BBS9: variants seen among roughly 807,000 people sequenced by gnomAD.
BBS9 encodes the protein protein PTHB1.
BBS9 carries 89 observed loss-of-function variants against 117.7 expected under a neutral mutation model. The observed-to-expected ratio is 0.76, with a 90% CI of 0.64 to 0.90. The LOEUF (loss-of-function observed/expected upper bound fraction) is 0.90. Ranked by LOEUF, BBS9 falls within the 40% of genes least tolerant of loss-of-function variation. The pLI is 0.00. For missense variants in BBS9, 982 were observed against 1,042.2 expected (o/e 0.94, Z 0.80); for synonymous variants, 379 against 370.9 (o/e 1.02, Z -0.25).
At position 33,138,245 on chromosome 7, in the gene BBS9, G is replaced by T. The variant is rs1401590111; in HGVS notation, c.-11-7997G>T. 2.0e-5 allele frequency among the ~76,000 whole-genome samples: 3 copies of T among 147,118 alleles called. No homozygotes were observed. The East Asian group carries it at 1.1e-3, about 54-fold the overall frequency. Reference sequence around the variant, plus strand: ...CCTCTCCTATAAAATGAGAGGACCAGCTGATTGATGGATACTTTCCAGCTG... The same window carrying T: ...CCTCTCCTATAAAATGAGAGGACCATCTGATTGATGGATACTTTCCAGCTG... On this transcript the variant is annotated intron_variant, in intron 1 of 22. Coordinates refer to ENST00000242067, the MANE Select transcript of BBS9 (RefSeq NM_198428.3).
chr7:33,291,822 G>C (rs1804102518), intron 9 of BBS9, among the ~76,000 whole-genome samples: 1 of 152,174 alleles, frequency 6.6e-6, no homozygotes, highest in South Asian at 2.1e-4. Context: ...CCTTTGTCTT[G>C]CAATATGAAT....
chr7:33,411,584 CTT>C (rs550556258), intron 19 of BBS9, among the ~76,000 whole-genome samples: 20 of 152,082 alleles, frequency 1.3e-4, no homozygotes, highest in African/African-American at 3.1e-4. Flanking sequence ...TTTATATAAA[CTT>C]ATATATGTAC....
At chr7:33,469,796 C>T (rs571297794) in intron 19 of BBS9, among the ~76,000 whole-genome samples, 22 of 152,162 alleles carry the variant, frequency 1.4e-4, no homozygotes, top group Non-Finnish European at 2.8e-4. Flanking sequence ...TTCCAGAAAG[C>T]ATGTAAACCT....
intron 19 of BBS9, among the ~76,000 whole-genome samples, chr7:33,459,307 A>G (rs1839098522): frequency 6.6e-6 from 1 of 151,472 alleles, no homozygotes; most frequent in South Asian, 2.1e-4. Context: ...GATGATCGAG[A>G]CTCCGGGACA....
chr7:33,310,152 C>T lies in BBS9; in HGVS notation c.1017-26289C>T, dbSNP rs558730957. 2.0e-5 allele frequency among the ~76,000 whole-genome samples: 3 copies of T among 152,300 alleles called. No individual in the cohort carries two copies. In the South Asian group the frequency reaches 6.2e-4, roughly 32 times the overall value. On this transcript the variant is annotated intron_variant, in intron 9 of 22. Transcript: ENST00000242067. ...TCACCCCACAAAATTCAGCCCTCCTCCTACAGTGTGTTTAATCTTGATAGA... is the reference window on the plus strand; with the variant it reads ...TCACCCCACAAAATTCAGCCCTCCTTCTACAGTGTGTTTAATCTTGATAGA...
chr7:33,271,251 A>G (rs1272994895), intron 7 of BBS9, among the ~76,000 whole-genome samples: 1 of 152,190 alleles, frequency 6.6e-6, no homozygotes, highest in African/African-American at 2.4e-5. Flanking sequence ...TAACCAATAC[A>G]AAAAACACTT....
chr7:33,303,522 T>TTTCCCCCCC (rs1806961766), intron 9 of BBS9, among the ~76,000 whole-genome samples: 1 of 77,030 alleles, frequency 1.3e-5, no homozygotes, highest in African/African-American at 5.9e-5. Context: ...AATGATCCCC[T>TTTCCCCCCC]CCCCCCGCCC....
chr7:33,313,494 C>T (rs1258270852), intron 9 of BBS9, among the ~76,000 whole-genome samples: 2 of 152,110 alleles, frequency 1.3e-5, no homozygotes, highest in Admixed American at 6.6e-5. Flanking sequence ...ATTTAACAGT[C>T]TTGTGTTGAC....
chr7:33,588,258 G>C (rs1429103118), intron 21 of BBS9, among the ~76,000 whole-genome samples: 1 of 152,060 alleles, frequency 6.6e-6, no homozygotes, highest in Non-Finnish European at 1.5e-5. Context: ...AGAACTTTTT[G>C]AGAACCTTTT....
intron 5 of BBS9, among the ~76,000 whole-genome samples, chr7:33,226,447 A>G (rs1398043051): frequency 6.6e-6 from 1 of 152,240 alleles, no homozygotes; most frequent in Admixed American, 6.5e-5. Flanking sequence ...AATGTTATAT[A>G]GAACAAACAA....
chr7:33,408,971 A>ATT (rs1009410793), intron 19 of BBS9, among the ~76,000 whole-genome samples: 13 of 152,198 alleles, frequency 8.5e-5, no homozygotes, highest in African/African-American at 2.9e-4. Flanking sequence ...GATGATGAAC[A>ATT]TTTATTCATA....
intron 17 of BBS9, among the ~76,000 whole-genome samples, chr7:33,379,372 T>C (rs1012649019): frequency 1.3e-5 from 2 of 152,226 alleles, no homozygotes; most frequent in Non-Finnish European, 2.9e-5. Flanking sequence ...TGAAAATTTA[T>C]AGTTGAATGG....
chr7:33,311,514 C>T (rs1809213427), intron 9 of BBS9, among the ~76,000 whole-genome samples: 1 of 152,178 alleles, frequency 6.6e-6, no homozygotes, highest in African/African-American at 2.4e-5. Context: ...ATATTCTTCT[C>T]ATATACCCAC....
intron 20 of BBS9, among the ~76,000 whole-genome samples, chr7:33,508,169 TG>T (rs1846408795): frequency 3.9e-5 from 6 of 152,204 alleles, no homozygotes; most frequent in Admixed American, 3.9e-4. Context: ...TTTCTTGATA[TG>T]TGCCTATCTT....
intron 20 of BBS9, among the ~76,000 whole-genome samples, chr7:33,530,941 T>C (rs180952541): frequency 5.3e-5 from 8 of 152,274 alleles, no homozygotes; most frequent in African/African-American, 1.9e-4. Context: ...GTCTGCACTT[T>C]GATCTGAAGA....
intron 21 of BBS9, among the ~76,000 whole-genome samples, chr7:33,589,719 T>A (rs182961117): frequency 3.9e-5 from 6 of 151,984 alleles, no homozygotes; most frequent in African/African-American, 1.2e-4. Flanking sequence ...TTGGGACATG[T>A]TGAGTTTGAG....
chr7:33,465,428 TATTTTGCCCA>T (rs1039954031), intron 19 of BBS9, among the ~76,000 whole-genome samples: 1 of 152,124 alleles, frequency 6.6e-6, no homozygotes, highest in African/African-American at 2.4e-5. Context: ...ACATGAATGT[TATTTTGCCCA>T]AAGTACTTTA....
At chr7:33,349,530 G>A (rs1040301741) in intron 13 of BBS9, among the ~76,000 whole-genome samples, 3 of 152,118 alleles carry the variant, frequency 2.0e-5, no homozygotes, top group South Asian at 2.1e-4. Context: ...GACTTCCTGG[G>A]CTCAAGTGAT....
Position 33,228,301 on chromosome 7 carries a change from G to A in BBS9, c.443-28935G>A, listed in dbSNP as rs76660113. Among the ~76,000 whole-genome samples the A allele has an allele frequency of 8.3e-3, 1,254 of 151,886 alleles. 8 individuals carry two copies. The highest frequency in any genetic ancestry group is 0.017 in the Admixed American group (256 of 15,252). On this transcript the variant is annotated intron_variant, in intron 5 of 22. Coordinates refer to ENST00000242067, the MANE Select transcript of BBS9 (RefSeq NM_198428.3). ...TTTTTGAGAATTGTCTATTCATGTC[G>A]TTTGCCCTTAAATCCTTCAATATTT...
Sources: gnomAD v4.1 joint callset for allele counts (sites outside exome capture counted in the v4.1 genomes callset) on GRCh38, gnomAD v4.1.1 for gene constraint, MANE v1.5 for transcripts, NCBI Gene and HGNC (gene_info 2026-07-23, HGNC 2026-07-21) for gene names.